Variants in CPLANE1 observed in about 807,000 individuals in gnomAD.
The protein encoded by CPLANE1 is ciliogenesis and planar polarity effector complex subunit 1.
A neutral mutation model predicts 362.5 loss-of-function variants in CPLANE1; 263 were observed. That is an observed-to-expected ratio of 0.73 (90% CI 0.66 to 0.80). The LOEUF (loss-of-function observed/expected upper bound fraction) is 0.80, where lower values mean the gene tolerates loss of function less well. Among genes scored for constraint, CPLANE1 ranks in the 30% least tolerant of loss-of-function variants. CPLANE1 has a pLI of 0.00. For synonymous variants in CPLANE1, 1,212 were observed against 1,302.6 expected (o/e 0.93, Z 1.50); for missense variants, 3,461 against 3,793.4 (o/e 0.91, Z 2.30).
At chr5:37,079,080 C>T in the CPLANE1 span, among the ~76,000 whole-genome samples, 4 of 152,146 alleles carry the variant, frequency 2.6e-5, no homozygotes, top group Non-Finnish European at 5.9e-5. Context: ...TCAATTTTTG[C>T]TTGTGTTGCA....
At chr5:37,094,904 A>T in the CPLANE1 span, among the ~76,000 whole-genome samples, 1 of 152,216 alleles carries the variant, frequency 6.6e-6, no homozygotes, top group East Asian at 1.9e-4. Context: ...TACCCTGAAC[A>T]GACCAATAAT....
chr5:37,101,619 A>G (rs559423176), downstream of CPLANE1, among the ~76,000 whole-genome samples: 1 of 152,322 alleles, frequency 6.6e-6, no homozygotes, highest in East Asian at 1.9e-4. Flanking sequence ...CTGGCCTTAT[A>G]AAATGAGGGA....
At chr5:37,211,182 A>G (rs1463609990) in intron 16 of CPLANE1, 1 of 1,359,284 alleles carries the variant, frequency 7.4e-7, no homozygotes, top group South Asian at 1.2e-5. Flanking sequence ...GGTTGCATCA[A>G]GGATCACAAA....
At chr5:37,095,933 T>C in the CPLANE1 span, among the ~76,000 whole-genome samples, 1 of 152,090 alleles carries the variant, frequency 6.6e-6, no homozygotes, top group Non-Finnish European at 1.5e-5. Context: ...ATAGATGACA[T>C]AAACAAATCG....
At chr5:37,193,511 T>C (rs1212927220) in intron 21 of CPLANE1, among the ~76,000 whole-genome samples, 1 of 151,780 alleles carries the variant, frequency 6.6e-6, no homozygotes, top group Non-Finnish European at 1.5e-5. Flanking sequence ...AAAAATTAGC[T>C]GGGCGCAGCA....
At chr5:37,116,913 G>A (rs1288670825) in intron 50 of CPLANE1, among the ~76,000 whole-genome samples, 1 of 152,056 alleles carries the variant, frequency 6.6e-6, no homozygotes, top group Non-Finnish European at 1.5e-5. Context: ...CCAAACACTG[G>A]GGGACCTGAA....
chr5:37,164,205 G>T, intron 37 of CPLANE1, 68 bp downstream of exon 37: 1 of 1,214,692 alleles, frequency 8.2e-7, no homozygotes, highest in Non-Finnish European at 1.2e-6. Context: ...TTTTCATATT[G>T]TACATATTTC....
chr5:37,211,461 G>C, intron 16 of CPLANE1: 1 of 1,448,874 alleles, frequency 6.9e-7, no homozygotes, highest in South Asian at 1.4e-5. Context: ...AGTTGTCTCT[G>C]AGCAGCCTCA....
intron 16 of CPLANE1, chr5:37,210,944 T>C (rs543593190): frequency 1.3e-6 from 1 of 780,612 alleles, no homozygotes; most frequent in East Asian, 2.4e-5. Flanking sequence ...AGATACTAGG[T>C]TACAAAGTTT....
chr5:37,182,298 C>G (rs1255612548), intron 26 of CPLANE1, among the ~76,000 whole-genome samples: 1 of 152,118 alleles, frequency 6.6e-6, no homozygotes, highest in African/African-American at 2.4e-5. Context: ...AACACTAACT[C>G]CTCTACTGAC....
At chr5:37,124,731 C>G in intron 47 of CPLANE1, 1 of 229,722 alleles carries the variant, frequency 4.4e-6, no homozygotes, top group Non-Finnish European at 7.1e-6. Context: ...TTTTTTTTTT[C>G]TTTTGTAGAG....
chr5:37,157,775 T>C lies in CPLANE1; in HGVS notation c.7906A>G (p.Ile2636Val). 3 of 1,613,816 alleles carry C rather than the reference T, an allele frequency of 1.9e-6. No individual in the cohort carries two copies. In the South Asian group the frequency reaches 3.3e-5, roughly 18 times the overall value. The change falls in exon 40 of 53, where the codon ATC (isoleucine) becomes GTC (valine). Residue 2636 changes from isoleucine to valine, a missense_variant. Physicochemically the swap from Ile to Val is conservative, Grantham distance 29. Transcript: ENST00000651892. ...VREEPSNDNV[I>V]KQQSDHLAVP... Reference sequence around the variant, plus strand: ...GCTAGATGATCGCTTTGCTGTTTGATAACATTATCATTTGAAGGCTCTTCT... The same window carrying C: ...GCTAGATGATCGCTTTGCTGTTTGACAACATTATCATTTGAAGGCTCTTCT...
In CPLANE1 at chr5:37,165,680, C is replaced by T. The variant is rs1778054058; in HGVS notation, c.7401-9G>A. ...CAGCTCTTCTTCTTTGCCTGTTAAA[C>T]ATAATAGCATAAAACATACTTTTAC... On this transcript the variant is annotated splice_polypyrimidine_tract_variant and intron_variant, in intron 35 of 52. Transcript: ENST00000651892. The T allele has an allele frequency of 3.8e-6, 6 of 1,596,064 alleles. No individual in the cohort carries two copies. The highest frequency in any genetic ancestry group is 5.1e-6 in the Non-Finnish European group (6 of 1,175,722).
Position 37,180,986 on chromosome 5 carries a change from G to T in CPLANE1, c.5441C>A (p.Thr1814Asn). The change falls in exon 27 of 53, where the codon ACT becomes AAT. Residue 1814 changes from threonine (T) to asparagine (N), a missense_variant. By Grantham distance (65) the Thr-to-Asn change is moderately conservative. Around this residue, in one of 2 missense-constraint regions of CPLANE1, gnomAD observed 3,380 missense variants for 3,666.1 expected, o/e 0.92. Coordinates refer to ENST00000651892, the MANE Select transcript of CPLANE1 (RefSeq NM_001384732.1). ...AATATTGGGTCCAATCTGACACCCA[G>T]TGTCACGATTCTCTACCATCTAAAG... ...AIIKMVENRD[T>N]GCQIGPNIER... 6.2e-7 allele frequency: 1 copy of T among 1,613,870 alleles called. No individual in the cohort carries two copies. Among genetic ancestry groups the T allele is most frequent in the Non-Finnish European group, 8.5e-7 (1 of 1,179,944 alleles).
chr5:37,132,041 A>C (rs1354709445), intron 46 of CPLANE1, among the ~76,000 whole-genome samples: 1 of 152,226 alleles, frequency 6.6e-6, no homozygotes, highest in Non-Finnish European at 1.5e-5. Context: ...ACTGAAGGTA[A>C]CTAAATGCAT....
intron 21 of CPLANE1, among the ~76,000 whole-genome samples, chr5:37,192,615 A>G (rs1256457562): frequency 6.6e-6 from 1 of 152,158 alleles, no homozygotes; most frequent in East Asian, 1.9e-4. Flanking sequence ...CTGTAATCCC[A>G]GCACTTTGGG....
At chr5:37,156,270 C>T (rs1441869759) in intron 41 of CPLANE1, among the ~76,000 whole-genome samples, 3 of 152,108 alleles carry the variant, frequency 2.0e-5, no homozygotes, top group Admixed American at 6.6e-5. Flanking sequence ...TTGGATTAAT[C>T]TAACCAGTCA....
At chr5:37,216,315 T>C (rs1163698511) in intron 15 of CPLANE1, among the ~76,000 whole-genome samples, 1 of 152,024 alleles carries the variant, frequency 6.6e-6, no homozygotes, top group Admixed American at 6.6e-5. Flanking sequence ...AGGCCCAGGA[T>C]GGAGGATCAC....
At chr5:37,150,946 G>T (rs1049691376) in intron 42 of CPLANE1, among the ~76,000 whole-genome samples, 2 of 152,170 alleles carry the variant, frequency 1.3e-5, no homozygotes, top group Non-Finnish European at 2.9e-5. Context: ...TGTGACCCAT[G>T]TGGTCTCCTT....
Sources: allele counts gnomAD v4.1 joint callset (sites outside exome capture counted in the v4.1 genomes callset), GRCh38; gene constraint gnomAD v4.1.1; regional missense constraint gnomAD v4.1.1; transcripts MANE v1.5; gene names NCBI Gene and HGNC (gene_info 2026-07-23, HGNC 2026-07-21).